HSD17B4: variants seen among roughly 807,000 people sequenced by gnomAD.
HSD17B4 encodes peroxisomal multifunctional enzyme type 2.
HSD17B4 carries 70 observed loss-of-function variants against 101.0 expected under a neutral mutation model. The ratio of observed to expected loss-of-function variants is 0.69; its 90% CI spans 0.57 to 0.85. The LOEUF (loss-of-function observed/expected upper bound fraction) is 0.85, where lower values mean the gene tolerates loss of function less well. Ranked by LOEUF, HSD17B4 falls within the 40% of genes least tolerant of loss-of-function variation. The pLI, the probability that HSD17B4 is intolerant of heterozygous loss-of-function variation, is 0.00. For synonymous variants in HSD17B4, 347 were observed against 297.1 expected, an observed-to-expected ratio of 1.17 and a Z score of -1.73; for missense variants, 984 against 892.4, an observed-to-expected ratio of 1.10 and a Z score of -1.31.
intron 2 of HSD17B4, among the ~76,000 whole-genome samples, chr5:119,459,390 C>T (rs983473148): frequency 6.6e-6 from 1 of 152,190 alleles, no homozygotes; most frequent in Non-Finnish European, 1.5e-5. Flanking sequence ...ACTCACTCTG[C>T]TCAAGAACTG....
rs192494335 is a variant in HSD17B4 at position 119,497,696 on chromosome 5, A to G, written c.972+1050A>G. On this transcript the variant is annotated intron_variant, in intron 12 of 23. Transcript: ENST00000510025. ...TAAATAATTTTGAAACTTTTTTCAC[A>G]TACAAAAAAATTATTTTCTAAGCTA... is the stretch of plus-strand genomic sequence containing the variant. Among the ~76,000 whole-genome samples, 7 of 152,332 alleles carry G rather than the reference A, an allele frequency of 4.6e-5. No homozygotes were observed. In the East Asian group the frequency reaches 5.8e-4, roughly 13 times the overall value.
intron 4 of HSD17B4, among the ~76,000 whole-genome samples, chr5:119,475,208 G>T (rs1446619623): frequency 2.0e-5 from 3 of 152,034 alleles, no homozygotes; most frequent in African/African-American, 7.2e-5. Context: ...GCCACAAGAG[G>T]GTTGAACCTT....
chr5:119,470,134 G>A (rs1370627883), intron 2 of HSD17B4, among the ~76,000 whole-genome samples: 2 of 152,160 alleles, frequency 1.3e-5, no homozygotes, highest in Admixed American at 6.5e-5. Context: ...AGTCTCTGGG[G>A]AATGCGTATG....
rs910099849 is a variant in HSD17B4 at position 119,483,207 on chromosome 5, C to T, written c.622+4186C>T. 4.6e-5 allele frequency among the ~76,000 whole-genome samples: 7 copies of T among 152,228 alleles called. No homozygotes were observed. In the South Asian group the frequency reaches 1.5e-3, roughly 32 times the overall value. ...TGGGCCCTCCTAAGATGAAACAAGTCCACATTCAGCCTCTAGCAATTTGTC... is the reference window on the plus strand; with the variant it reads ...TGGGCCCTCCTAAGATGAAACAAGTTCACATTCAGCCTCTAGCAATTTGTC... On this transcript the variant is annotated intron_variant, in intron 8 of 23. Coordinates refer to ENST00000510025, the MANE Select transcript of HSD17B4 (RefSeq NM_000414.4).
chr5:119,458,713 A>G (rs1754922163), intron 2 of HSD17B4, among the ~76,000 whole-genome samples: 1 of 152,146 alleles, frequency 6.6e-6, no homozygotes, highest in South Asian at 2.1e-4. Context: ...TATGTTTTAT[A>G]TTCCATAATA....
Position 119,502,016 on chromosome 5 carries a change from T to A in HSD17B4, c.1210-25T>A, listed in dbSNP as rs766432349. On this transcript the variant is annotated intron_variant, in intron 13 of 23. Transcript: ENST00000510025. The stretch of plus-strand genomic sequence containing the variant: ...CCTGTGGAGCAAGAAAGTTTGCTAA[T>A]AAAATTTTGTTTACCCTAACATAGG... 7 of 1,507,822 alleles carry A rather than the reference T, an allele frequency of 4.6e-6. No homozygotes were observed. In the East Asian group the frequency reaches 1.6e-4, roughly 34 times the overall value. 93.4% of individuals were successfully genotyped at this position (1,507,822 alleles called of 1,614,324 possible).
At chr5:119,463,792 C>G (rs1180296057) in intron 2 of HSD17B4, among the ~76,000 whole-genome samples, 1 of 149,210 alleles carries the variant, frequency 6.7e-6, no homozygotes, top group Non-Finnish European at 1.5e-5. Context: ...CTTCAGCCTC[C>G]TTAGTAACTG....
At chr5:119,509,270 T>C (rs764845819) in intron 16 of HSD17B4, 26 bp downstream of exon 16, 1 of 1,271,300 alleles carries the variant, frequency 7.9e-7, no homozygotes, top group South Asian at 1.2e-5. Context: ...GTAAGCAAAA[T>C]ATATGTGTAG....
intron 20 of HSD17B4, among the ~76,000 whole-genome samples, chr5:119,527,578 C>G (rs1753716061): frequency 6.6e-6 from 1 of 151,954 alleles, no homozygotes; most frequent in East Asian, 1.9e-4. Context: ...AAAGGCATGA[C>G]TCAGACAGAT....
intron 13 of HSD17B4, 96 bp downstream of exon 13, chr5:119,499,649 A>G: frequency 5.1e-6 from 3 of 582,748 alleles, no homozygotes; most frequent in South Asian, 2.6e-5. Flanking sequence ...TAGTGTGTGT[A>G]TATATATTTA....
At chr5:119,473,473 A>G (rs190485365) in intron 2 of HSD17B4, among the ~76,000 whole-genome samples, 19 of 151,132 alleles carry the variant, frequency 1.3e-4, no homozygotes, top group African/African-American at 4.4e-4. Context: ...TACATGCCAT[A>G]ATGCCCAGCT....
rs761117813 is a variant in HSD17B4, at chr5:119,496,536, A to G, written c.869-7A>G. ...TTATTTTTTTTGTTTTTCATTTTTC[A>G]TTTTAGAATCAACTGGCAGTATAAT... On this transcript the variant is annotated splice_polypyrimidine_tract_variant and splice_region_variant and intron_variant, in intron 11 of 23. Transcript: ENST00000510025. 1 of 1,447,806 alleles carries G rather than the reference A, an allele frequency of 6.9e-7. No homozygotes were observed. Among genetic ancestry groups the G allele is most frequent in the South Asian group, 1.1e-5 (1 of 87,400 alleles). The allele number at this position is 1,447,806 out of a possible 1,614,324, so 89.7% of individuals were successfully genotyped here. A position where few individuals can be genotyped will look rare whatever the true frequency, so the allele number is the denominator to read the frequency against.
rs965172948 is a variant in HSD17B4 at position 119,531,335 on chromosome 5, G to A, written c.1924G>A (p.Val642Met). ...CCGCCTAAAGGATATTGGGCCTGAGGTGGTGAAGAAAGTAAATGCTGTATT... is the reference window on the plus strand; with the variant it reads ...CCGCCTAAAGGATATTGGGCCTGAGATGGTGAAGAAAGTAAATGCTGTATT... ...GRRLKDIGPE[V>M]VKKVNAVFEW... Residue 642 changes from valine to methionine, a missense_variant, in exon 22 of 24, where the codon GTG (valine) becomes ATG (methionine). Transcript: ENST00000510025. 1 of 1,613,620 alleles carries A rather than the reference G, an allele frequency of 6.2e-7. No homozygotes were observed. Among genetic ancestry groups the A allele is most frequent in the South Asian group, 1.1e-5 (1 of 91,076 alleles).
At chr5:119,499,277 G>A (rs559874799) in intron 12 of HSD17B4, 40 bp from the exon 13 acceptor site, 19 of 1,392,924 alleles carry the variant, frequency 1.4e-5, no homozygotes, top group Non-Finnish European at 1.8e-5. Flanking sequence ...GTTTTGAAAA[G>A]TTATCAATGA....
Position 119,525,784 on chromosome 5 carries a change from G to C in HSD17B4, c.1574-133G>C, listed in dbSNP as rs572846562. The C allele has an allele frequency of 1.3e-3, 727 of 542,524 alleles. 2 individuals carry two copies. Among genetic ancestry groups the C allele is most frequent in the Non-Finnish European group, 1.7e-3 (511 of 298,720 alleles). 33.6% of individuals were successfully genotyped at this position (542,524 alleles called of 1,614,324 possible). On this transcript the variant is annotated intron_variant, in intron 18 of 23. Coordinates refer to ENST00000510025, the MANE Select transcript of HSD17B4 (RefSeq NM_000414.4). The stretch of plus-strand genomic sequence containing the variant: ...AAATACTCTTTAAAAAATATCTACT[G>C]TGTTTCTTAAAATAGATGGTATAAT...
In HSD17B4 at chr5:119,492,126, T is replaced by C. The variant is rs1259152241; in HGVS notation, c.739+2T>C. 6.2e-7 allele frequency: 1 copy of C among 1,605,224 alleles called. No individual in the cohort carries two copies. On this transcript the variant is annotated splice_donor_variant, in intron 10 of 23. Coordinates refer to ENST00000510025, the MANE Select transcript of HSD17B4 (RefSeq NM_000414.4). LOFTEE classifies it high-confidence loss of function. ...TTGGAGCAGGATGGATTGGAAAATG[T>C]AAGTCTCTCTCAGTTTTTGGTTTGT... is the stretch of plus-strand genomic sequence containing the variant.
At chr5:119,477,551 G>A (rs765420077) in intron 7 of HSD17B4, 50 bp downstream of exon 7, 3 of 1,181,230 alleles carry the variant, frequency 2.5e-6, no homozygotes, top group South Asian at 1.2e-5. Context: ...TGTGTCTGGG[G>A]GTTCTTGTGT....
intron 20 of HSD17B4, among the ~76,000 whole-genome samples, chr5:119,528,839 C>T (rs1163264715): frequency 6.6e-6 from 1 of 152,028 alleles, no homozygotes; most frequent in Non-Finnish European, 1.5e-5. Context: ...TATTTTTCTT[C>T]AGTGATTATA....
At chr5:119,508,559 T>TACTTGCTCACTTATTTGCTA (rs1248827409) in intron 15 of HSD17B4, among the ~76,000 whole-genome samples, 3 of 152,240 alleles carry the variant, frequency 2.0e-5, no homozygotes, top group Non-Finnish European at 4.4e-5. Flanking sequence ...TCTTATTCAT[T>TACTTGCTCACTTATTTGCTA]ACTTGCTCAC....
Sources: allele counts gnomAD v4.1 joint callset (sites outside exome capture counted in the v4.1 genomes callset), GRCh38; gene constraint gnomAD v4.1.1; transcripts MANE v1.5; gene names NCBI Gene and HGNC (gene_info 2026-07-23, HGNC 2026-07-21).